WDR17: variants seen among roughly 807,000 people sequenced by gnomAD.
WDR17 encodes the protein WD repeat domain 17, also known as WD repeat-containing protein 17.
Under a neutral mutation model 161.7 loss-of-function variants are expected in WDR17, and 143 were observed. That is an observed-to-expected ratio of 0.88 (90% CI 0.77 to 1.02). The LOEUF (loss-of-function observed/expected upper bound fraction) is 1.02, where lower values mean the gene tolerates loss of function less well. Among genes scored for constraint, WDR17 ranks in the 50% least tolerant of loss-of-function variants. WDR17 has a pLI of 0.00. For synonymous variants in WDR17, 517 were observed against 515.6 expected (o/e 1.00, Z -0.04); for missense variants, 1,469 against 1,520.9 (o/e 0.97, Z 0.57).
chr4:176,113,125 T>A (rs1408131084), intron 2 of WDR17, among the ~76,000 whole-genome samples: 1 of 151,628 alleles, frequency 6.6e-6, no homozygotes, highest in Non-Finnish European at 1.5e-5. Context: ...CAGCAAGACT[T>A]CTAAATGCCT....
chr4:176,128,884 T>A (rs1235983244), intron 6 of WDR17, 24 bp downstream of exon 6: 4 of 1,523,424 alleles, frequency 2.6e-6, no homozygotes, highest in Admixed American at 4.4e-5. Flanking sequence ...TTATCAAAAT[T>A]TTAATTTTTA....
intron 1 of WDR17, among the ~76,000 whole-genome samples, chr4:176,091,800 C>T (rs912360111): frequency 6.6e-6 from 1 of 151,996 alleles, no homozygotes; most frequent in Admixed American, 6.6e-5. Flanking sequence ...ACAACTGATA[C>T]TACAGAAATT....
intron 28 of WDR17, among the ~76,000 whole-genome samples, chr4:176,179,009 C>T (rs1751857200): frequency 6.6e-6 from 1 of 152,132 alleles, no homozygotes; most frequent in African/African-American, 2.4e-5. Flanking sequence ...GAACAATATT[C>T]ATCATCTTCT....
intron 7 of WDR17, among the ~76,000 whole-genome samples, chr4:176,133,425 G>T (rs1394085640): frequency 1.4e-5 from 2 of 139,442 alleles, no homozygotes; most frequent in African/African-American, 2.6e-5. Context: ...TAGAAGAGAA[G>T]TCATGCAATC....
Position 176,162,124 on chromosome 4 carries a change from G to T in WDR17, c.2800G>T (p.Gly934Cys), listed in dbSNP as rs760947689. ...KELAEWYFQDGRAVLAACCHL... is the reference protein window; with the variant it reads ...KELAEWYFQDCRAVLAACCHL... ...ACTGGCAGAATGGTATTTTCAAGAT[G>T]GTCGAGCAGTACTAGCCGCATGTTG... The change falls in exon 21 of 29, where the codon GGT becomes TGT. Residue 934 changes from glycine to cysteine, a missense_variant. Gly to Cys is a radical substitution (Grantham distance 159). Coordinates refer to ENST00000508596, the MANE Select transcript of WDR17 (RefSeq NM_181265.4). 4.3e-6 allele frequency: 7 copies of T among 1,613,198 alleles called. No individual in the cohort carries two copies. In the South Asian group the frequency reaches 4.4e-5, roughly 10 times the overall value.
At chr4:176,172,631 T>TG (rs1374807105) in intron 24 of WDR17, 115 bp downstream of exon 24, 8 of 942,194 alleles carry the variant, frequency 8.5e-6, no homozygotes, top group Non-Finnish European at 1.2e-5. Context: ...TACCTGAGGC[T>TG]GGGTAATTTA....
chr4:176,154,589 T>C (rs1378114220), intron 17 of WDR17, among the ~76,000 whole-genome samples: 2 of 152,214 alleles, frequency 1.3e-5, no homozygotes, highest in Non-Finnish European at 2.9e-5. Context: ...ATGTTTCTAT[T>C]GAAAGAGCTT....
chr4:176,089,049 A>C (rs890909151), intron 1 of WDR17, among the ~76,000 whole-genome samples: 13 of 152,208 alleles, frequency 8.5e-5, no homozygotes, highest in African/African-American at 2.9e-4. Flanking sequence ...CTATGTGGAC[A>C]TGTTAATTTC....
At chr4:176,177,801 T>C in intron 28 of WDR17, 147 bp downstream of exon 28, 1 of 714,500 alleles carries the variant, frequency 1.4e-6, no homozygotes, top group Non-Finnish European at 2.2e-6. Flanking sequence ...AGTGCTTCCA[T>C]AGTTAGTACA....
At chr4:176,151,717 TATTAGTTATTTCAAA>T in intron 16 of WDR17, 80 bp from the exon 17 acceptor site, 1 of 1,122,290 alleles carries the variant, frequency 8.9e-7, no homozygotes, top group Non-Finnish European at 1.2e-6. Context: ...AATTCCGCTC[TATTAGTTATTTCAAA>T]ATATGCAACA....
intron 12 of WDR17, among the ~76,000 whole-genome samples, chr4:176,146,712 A>T (rs912612290): frequency 9.2e-5 from 14 of 152,220 alleles, no homozygotes; most frequent in Admixed American, 7.9e-4. Flanking sequence ...AGTTATTTTG[A>T]TACAAATCCC....
At chr4:176,080,836 T>C (rs958883945) in intron 1 of WDR17, among the ~76,000 whole-genome samples, 1 of 152,136 alleles carries the variant, frequency 6.6e-6, no homozygotes, top group African/African-American at 2.4e-5. Flanking sequence ...CCTGTACTTA[T>C]CCCTCAGACA....
chr4:176,143,309 C>G (rs938728375), intron 11 of WDR17, among the ~76,000 whole-genome samples: 3 of 152,164 alleles, frequency 2.0e-5, no homozygotes, highest in Non-Finnish European at 4.4e-5. Context: ...TTCTTTTACA[C>G]CTTTTTATAT....
intron 5 of WDR17, among the ~76,000 whole-genome samples, chr4:176,126,064 A>T (rs574094829): frequency 6.6e-6 from 1 of 152,300 alleles, no homozygotes; most frequent in Non-Finnish European, 1.5e-5. Flanking sequence ...TAATCCATTC[A>T]TAAGAGTAGA....
chr4:176,172,590 T>G (rs930720581), intron 24 of WDR17, 74 bp downstream of exon 24: 1 of 1,308,332 alleles, frequency 7.6e-7, no homozygotes, highest in Non-Finnish European at 1.0e-6. Flanking sequence ...TGATGATTGT[T>G]TTAATTCATT....
chr4:176,130,554 C>A (rs560472419), intron 6 of WDR17, among the ~76,000 whole-genome samples: 11 of 151,934 alleles, frequency 7.2e-5, no homozygotes, highest in South Asian at 2.1e-4. Context: ...ACCATCCTGG[C>A]TAACACAGTG....
intron 1 of WDR17, among the ~76,000 whole-genome samples, chr4:176,094,491 A>G (rs183412949): frequency 2.6e-5 from 4 of 152,362 alleles, no homozygotes; most frequent in African/African-American, 9.6e-5. Flanking sequence ...AAAACTTGCA[A>G]GAGCTCACTA....
intron 25 of WDR17, among the ~76,000 whole-genome samples, chr4:176,173,887 TTAA>T (rs1751100411): frequency 6.6e-6 from 1 of 151,152 alleles, no homozygotes; most frequent in Non-Finnish European, 1.5e-5. Context: ...GTGGTCCCAC[TTAA>T]TAATATCTAG....
chr4:176,147,893 G>C (rs1746441200), intron 12 of WDR17, among the ~76,000 whole-genome samples: 1 of 151,884 alleles, frequency 6.6e-6, no homozygotes, highest in African/African-American at 2.4e-5. Flanking sequence ...AGTATGTGAG[G>C]GGATGAATTT....
Sources: allele counts gnomAD v4.1 joint callset (sites outside exome capture counted in the v4.1 genomes callset), GRCh38; gene constraint gnomAD v4.1.1; transcripts MANE v1.5; gene names NCBI Gene and HGNC (gene_info 2026-07-23, HGNC 2026-07-21).